NREP: variants seen among roughly 807,000 people sequenced by gnomAD.
NREP encodes neuronal regeneration related protein, also known as neuronal regeneration-related protein.
A neutral mutation model predicts 8.6 loss-of-function variants in NREP; 5 were observed. The ratio of observed to expected loss-of-function variants is 0.58; its 90% CI spans 0.30 to 1.22. The LOEUF (loss-of-function observed/expected upper bound fraction) is 1.22, where lower values mean the gene tolerates loss of function less well. NREP is among the 50% of genes most tolerant of loss of function. NREP has a pLI of 0.07. For synonymous variants in NREP, 27 were observed against 28.0 expected, an observed-to-expected ratio of 0.96 and a Z score of 0.11; for missense variants, 86 against 82.5, an observed-to-expected ratio of 1.04 and a Z score of -0.17.
In NREP at chr5:111,794,822, G is replaced by A. The variant is rs188561824; in HGVS notation, c.136-59315C>T. Among the ~76,000 whole-genome samples, 6 of 152,098 alleles carry A rather than the reference G, an allele frequency of 3.9e-5. No homozygotes were observed. The East Asian group carries it at 1.2e-3, about 29-fold the overall frequency. On this transcript the variant is annotated intron_variant, in intron 2 of 3. Coordinates refer to the NREP transcript ENST00000395634. ...ACCAGGAGTGAACCCTAATGTAAAC[G>A]ATGGCCTTTTGGTGACAATGATGTG...
intron 2 of NREP, among the ~76,000 whole-genome samples, chr5:111,874,455 G>A (rs1753859295): frequency 6.6e-6 from 1 of 152,150 alleles, no homozygotes; most frequent in South Asian, 2.1e-4. Flanking sequence ...CACTAGAGTT[G>A]TTCCTTGCTT....
chr5:111,758,134 ACG>A, upstream of NREP: 1 of 985,410 alleles, frequency 1.0e-6, no homozygotes, highest in East Asian at 1.1e-4. Context: ...TCAGCTGGGT[ACG>A]CGCGCCCCAC....
intron 2 of NREP, among the ~76,000 whole-genome samples, chr5:111,855,170 T>TA (rs1753398827): frequency 1.3e-5 from 2 of 152,306 alleles, no homozygotes; most frequent in South Asian, 4.1e-4. Context: ...TGTACACCTA[T>TA]AAGGAATACA....
chr5:111,911,644 T>A (rs1754914782), intron 2 of NREP, among the ~76,000 whole-genome samples: 1 of 152,042 alleles, frequency 6.6e-6, no homozygotes, highest in African/African-American at 2.4e-5. Context: ...TCAAAGAAAT[T>A]AAATGACTCA....
chr5:111,760,562 G>A (rs1343877136), upstream of NREP, among the ~76,000 whole-genome samples: 2 of 152,206 alleles, frequency 1.3e-5, no homozygotes, highest in African/African-American at 2.4e-5. Context: ...GTTTCACTGT[G>A]GATGCCAGGG....
intron 2 of NREP, among the ~76,000 whole-genome samples, chr5:111,836,983 T>C (rs1345571875): frequency 6.6e-6 from 1 of 152,068 alleles, no homozygotes; most frequent in Non-Finnish European, 1.5e-5. Context: ...GAAAGAAGAC[T>C]TGAATTCACT....
At chr5:111,896,402 C>A (rs1041124531) in intron 2 of NREP, among the ~76,000 whole-genome samples, 1 of 152,162 alleles carries the variant, frequency 6.6e-6, no homozygotes, top group African/African-American at 2.4e-5. Flanking sequence ...TGTTAAGTTT[C>A]ATATGCCTGT....
chr5:111,896,411 G>C (rs914334119), intron 2 of NREP, among the ~76,000 whole-genome samples: 5 of 152,160 alleles, frequency 3.3e-5, no homozygotes, highest in Admixed American at 2.0e-4. Context: ...TCATATGCCT[G>C]TGAAACAACT....
At chr5:111,909,347 C>T (rs1754853926) in intron 2 of NREP, among the ~76,000 whole-genome samples, 1 of 151,972 alleles carries the variant, frequency 6.6e-6, no homozygotes, top group Non-Finnish European at 1.5e-5. Context: ...TGGTTTAAGA[C>T]ATGCAGAACA....
At chr5:111,756,173 A>G (rs1391468010) in intron 1 of NREP, 2 of 1,043,504 alleles carry the variant, frequency 1.9e-6, no homozygotes, top group African/African-American at 3.3e-5. Flanking sequence ...GTTCCCAGAC[A>G]TACTACTGGC....
rs192794197 is a variant in NREP, at chr5:111,882,476, A to G, written c.135+92798T>C. Among the ~76,000 whole-genome samples, 29 of 152,326 alleles carry G rather than the reference A, an allele frequency of 1.9e-4. No individual in the cohort carries two copies. In the South Asian group the frequency reaches 5.8e-3, roughly 30 times the overall value. On this transcript the variant is annotated intron_variant, in intron 2 of 3. Coordinates refer to the NREP transcript ENST00000395634. ...GACCATTTGGATGCAGGAAATACAG[A>G]GAACGCAACAAAGATACTCCTCAAG...
intron 2 of NREP, among the ~76,000 whole-genome samples, chr5:111,832,240 G>C (rs879284023): frequency 1.3e-5 from 2 of 152,096 alleles, no homozygotes; most frequent in African/African-American, 2.4e-5. Context: ...CCCTGGGGCT[G>C]GGTGTGGTGG....
At chr5:111,972,870 T>G (rs148819793) in intron 2 of NREP, among the ~76,000 whole-genome samples, 1 of 152,352 alleles carries the variant, frequency 6.6e-6, no homozygotes, top group East Asian at 1.9e-4. Flanking sequence ...CCATGTGGGC[T>G]GCACCTTCAG....
At chr5:111,803,006 A>G (rs545359116) in intron 2 of NREP, among the ~76,000 whole-genome samples, 1 of 152,334 alleles carries the variant, frequency 6.6e-6, no homozygotes, top group Admixed American at 6.5e-5. Context: ...TGAAAGAAAA[A>G]AACTGGGAGA....
At chr5:111,833,356 A>G (rs537256379) in intron 2 of NREP, among the ~76,000 whole-genome samples, 1 of 152,338 alleles carries the variant, frequency 6.6e-6, no homozygotes, top group East Asian at 1.9e-4. Flanking sequence ...CTGATCAATG[A>G]TACTACTTTA....
intron 2 of NREP, among the ~76,000 whole-genome samples, chr5:111,794,246 G>A (rs1751824965): frequency 6.6e-6 from 1 of 152,136 alleles, no homozygotes; most frequent in Non-Finnish European, 1.5e-5. Flanking sequence ...CAGTCATTTG[G>A]GAAGACAGTT....
At chr5:111,886,156 G>C (rs1006803777) in intron 2 of NREP, among the ~76,000 whole-genome samples, 21 of 152,056 alleles carry the variant, frequency 1.4e-4, no homozygotes, top group African/African-American at 4.8e-4. Flanking sequence ...CAAAAAGTGG[G>C]CAAAGGACAT....
chr5:111,887,277 A>G (rs1237996574), intron 2 of NREP, among the ~76,000 whole-genome samples: 1 of 152,148 alleles, frequency 6.6e-6, no homozygotes, highest in Non-Finnish European at 1.5e-5. Flanking sequence ...TTCTATAGCA[A>G]CTTTCTAATG....
chr5:111,966,069 T>C (rs1291959038), intron 2 of NREP, among the ~76,000 whole-genome samples: 1 of 152,220 alleles, frequency 6.6e-6, no homozygotes, highest in Non-Finnish European at 1.5e-5. Context: ...AGTTACATTA[T>C]AATCTAGCAG....
Sources: gnomAD v4.1 joint callset for allele counts (sites outside exome capture counted in the v4.1 genomes callset) on GRCh38, gnomAD v4.1.1 for gene constraint, MANE v1.5 for transcripts, NCBI Gene and HGNC (gene_info 2026-07-23, HGNC 2026-07-21) for gene names.